The following CEP63 variants were observed in gnomAD, a reference collection of about 807,000 sequenced individuals.
The protein encoded by CEP63 is centrosomal protein of 63 kDa.
CEP63 carries 84 observed loss-of-function variants against 89.1 expected under a neutral mutation model. The observed-to-expected ratio is 0.94, with a 90% CI of 0.79 to 1.13. CEP63 has a LOEUF of 1.13. CEP63 is among the 50% of genes most tolerant of loss of function. The pLI is 0.00. For synonymous variants in CEP63, 267 were observed against 272.5 expected, an observed-to-expected ratio of 0.98 and a Z score of 0.20; for missense variants, 838 against 813.3, an observed-to-expected ratio of 1.03 and a Z score of -0.37.
At chr3:134,540,637 A>G (rs1159517110) in intron 6 of CEP63, among the ~76,000 whole-genome samples, 1 of 152,090 alleles carries the variant, frequency 6.6e-6, no homozygotes, top group Non-Finnish European at 1.5e-5. Context: ...TAGGTGAAAA[A>G]AAATGATACC....
the CEP63 span, among the ~76,000 whole-genome samples, chr3:134,624,820 G>A: frequency 6.6e-6 from 1 of 152,136 alleles, no homozygotes; most frequent in Non-Finnish European, 1.5e-5. Context: ...GTTGTATGGG[G>A]TGGGAGCAAC....
chr3:134,598,603 A>G, the CEP63 span, among the ~76,000 whole-genome samples: 1 of 152,132 alleles, frequency 6.6e-6, no homozygotes, highest in Non-Finnish European at 1.5e-5. Flanking sequence ...GATCATGAGG[A>G]CCTGGTTTGT....
chr3:134,732,330 A>G, the CEP63 span, among the ~76,000 whole-genome samples: 2 of 152,210 alleles, frequency 1.3e-5, no homozygotes, highest in Admixed American at 6.5e-5. Context: ...GAAGAAGCTA[A>G]TAACAAAATG....
the CEP63 span, among the ~76,000 whole-genome samples, chr3:134,747,120 C>T: frequency 3.9e-5 from 6 of 152,030 alleles, no homozygotes; most frequent in Non-Finnish European, 7.4e-5. Flanking sequence ...GGAAGAGATC[C>T]AGTTTCAGCT....
At chr3:134,696,618 T>C in the CEP63 span, among the ~76,000 whole-genome samples, 152,253 of 152,326 alleles carry the variant, frequency 1, 76,091 homozygotes, top group Non-Finnish European at 1. Context: ...CATAGTACCA[T>C]CAACTAAGCA....
At chr3:134,558,401 ATTTC>A (rs1210214425) in intron 13 of CEP63, 54 bp downstream of exon 13, 3 of 1,182,148 alleles carry the variant, frequency 2.5e-6, no homozygotes, top group Non-Finnish European at 3.7e-6. Flanking sequence ...TATAATTCTC[ATTTC>A]TTTGAGAATA....
At chr3:134,537,747 C>T (rs1951058672) in intron 6 of CEP63, among the ~76,000 whole-genome samples, 1 of 152,180 alleles carries the variant, frequency 6.6e-6, no homozygotes, top group Non-Finnish European at 1.5e-5. Flanking sequence ...GTGCCTTGCT[C>T]CATCCCTATG....
At chr3:134,628,123 C>A in the CEP63 span, 140 of 383,912 alleles carry the variant, frequency 3.6e-4, 1 homozygote, top group South Asian at 5.3e-3. Flanking sequence ...CCTCCTGGAA[C>A]CTGGTGTTCC....
Position 134,547,483 on chromosome 3 carries a change from A to G in CEP63, c.1067+11A>G. ...TTGTCTTGAAGGCAGGTACATAATT[A>G]TACACACATTTCAAAAATTTCAAGT... On this transcript the variant is annotated intron_variant, in intron 9 of 14. Transcript: ENST00000675561. 1 of 1,611,716 alleles carries G rather than the reference A, an allele frequency of 6.2e-7. No individual in the cohort carries two copies. The highest frequency in any genetic ancestry group is 1.1e-5 in the South Asian group (1 of 91,026).
At chr3:134,758,657 C>G in the CEP63 span, among the ~76,000 whole-genome samples, 1 of 152,284 alleles carries the variant, frequency 6.6e-6, no homozygotes, top group African/African-American at 2.4e-5. Context: ...TTCAGGGACA[C>G]TTAAACTCCC....
the CEP63 span, among the ~76,000 whole-genome samples, chr3:134,768,631 T>C: frequency 6.6e-6 from 1 of 151,984 alleles, no homozygotes; most frequent in African/African-American, 2.4e-5. Flanking sequence ...TAAAAAGGAG[T>C]GTCTTCTCCA....
At chr3:134,645,314 C>G in the CEP63 span, among the ~76,000 whole-genome samples, 3 of 152,180 alleles carry the variant, frequency 2.0e-5, no homozygotes, top group Non-Finnish European at 4.4e-5. Context: ...AGTGTTCCAG[C>G]CCAAGCAGTG....
At chr3:134,732,159 A>G in the CEP63 span, among the ~76,000 whole-genome samples, 7 of 152,214 alleles carry the variant, frequency 4.6e-5, no homozygotes, top group Non-Finnish European at 8.8e-5. Context: ...TCATCTGTAA[A>G]GAAACTGAAC....
chr3:134,747,401 G>T, the CEP63 span, among the ~76,000 whole-genome samples: 2 of 152,218 alleles, frequency 1.3e-5, no homozygotes, highest in African/African-American at 2.4e-5. Flanking sequence ...CTGCCAAGTG[G>T]CAGGCACTGA....
At chr3:134,549,490 G>C (rs1954336596) in intron 10 of CEP63, among the ~76,000 whole-genome samples, 1 of 152,084 alleles carries the variant, frequency 6.6e-6, no homozygotes, top group South Asian at 2.1e-4. Context: ...AAAAAAATAT[G>C]AACTGTCACT....
At chr3:134,723,242 G>A in the CEP63 span, among the ~76,000 whole-genome samples, 3 of 152,192 alleles carry the variant, frequency 2.0e-5, no homozygotes, top group Non-Finnish European at 4.4e-5. Context: ...CCTTGACTTT[G>A]AAATTGGCCA....
the CEP63 span, among the ~76,000 whole-genome samples, chr3:134,625,809 A>G: frequency 1.3e-5 from 2 of 152,354 alleles, no homozygotes; most frequent in East Asian, 3.9e-4. Context: ...TCACTCATCT[A>G]TGCTTAGCCT....
chr3:134,518,029 G>A (rs150890570), intron 3 of CEP63, among the ~76,000 whole-genome samples: 1 of 152,302 alleles, frequency 6.6e-6, no homozygotes, highest in Non-Finnish European at 1.5e-5. Context: ...ATGAGACAAA[G>A]TAAACATCAA....
intron 11 of CEP63, chr3:134,574,688 ACCT>A (rs1958151552): frequency 2.3e-6 from 1 of 436,546 alleles, no homozygotes; most frequent in Non-Finnish European, 4.1e-6. Flanking sequence ...GCTTACTGCA[ACCT>A]CCACCTCCTG....
Sources: gnomAD v4.1 joint callset for allele counts (sites outside exome capture counted in the v4.1 genomes callset) on GRCh38, gnomAD v4.1.1 for gene constraint, MANE v1.5 for transcripts, NCBI Gene and HGNC (gene_info 2026-07-23, HGNC 2026-07-21) for gene names.